The following OTOL1 variants were observed in gnomAD, a reference collection of about 807,000 sequenced individuals.
The protein encoded by OTOL1 is otolin-1.
OTOL1 carries 31 observed loss-of-function variants against 25.0 expected under a neutral mutation model. The observed-to-expected ratio is 1.24, with a 90% confidence interval of 0.93 to 1.67. The LOEUF is 1.67. OTOL1 is among the 40% of genes most tolerant of loss of function. OTOL1 has a pLI of 0.00. For synonymous variants in OTOL1, 225 were observed against 210.3 expected, an observed-to-expected ratio of 1.07 and a Z score of -0.61; for missense variants, 654 against 587.7, an observed-to-expected ratio of 1.11 and a Z score of -1.17.
rs1459972677 is a variant in OTOL1, at chr3:161,502,170, C to T, written c.455-137C>T. ...GGAGTGAGCCGCCGTGCCTGGCGTA[C>T]ATTCTTTTTCCACACGATTTAACTT... On this transcript the variant is annotated intron_variant, in intron 2 of 3. Transcript: ENST00000327928. 5.1e-6 allele frequency: 4 copies of T among 776,718 alleles called. No individual in the cohort carries two copies. The Admixed American group carries it at 9.1e-5, about 18-fold the overall frequency. 48.1% of individuals were successfully genotyped at this position (776,718 alleles called of 1,614,324 possible). A position where few individuals can be genotyped will look rare whatever the true frequency, so the allele number is the denominator to read the frequency against.
rs767680745 is a variant in OTOL1, at chr3:161,503,555, G to GTCAAAGCCATTTCCTCCTCCTAACA, written c.1050_1074dup (p.Pro359LysfsTer7). On this transcript the variant is annotated frameshift_variant, in exon 4 of 4. Transcript: ENST00000327928. LOFTEE classifies it high-confidence loss of function. ...CCCGGTCGGCTTTCAGCGCTGGTTT[G>GTCAAAGCCATTTCCTCCTCCTAACA]TCAAAGCCATTTCCTCCTCCTAACA... The GTCAAAGCCATTTCCTCCTCCTAACA allele has an allele frequency of 3.7e-6, 6 of 1,613,708 alleles. No individual in the cohort carries two copies.
chr3:161,502,336 G>A lies in OTOL1; in HGVS notation c.484G>A (p.Val162Ile). ...CAAAGGAGAACGTGGGGACCAAGGA[G>A]TTCCAGGATACCCAGGAAAACCGGG... ...GLKGERGDQG[V>I]PGYPGKPGAQ... The change falls in exon 3 of 4, where the codon GTT (valine) becomes ATT (isoleucine). Residue 162 changes from valine (V) to isoleucine (I), a missense_variant. Coordinates refer to ENST00000327928, the MANE Select transcript of OTOL1 (RefSeq NM_001080440.1). 6.2e-7 allele frequency: 1 copy of A among 1,613,564 alleles called. No individual in the cohort carries two copies. The highest frequency in any genetic ancestry group is 2.2e-5 in the East Asian group (1 of 44,842).
At chr3:161,498,814 A>C (rs1718900480) in intron 1 of OTOL1, among the ~76,000 whole-genome samples, 1 of 152,176 alleles carries the variant, frequency 6.6e-6, no homozygotes, top group Admixed American at 6.6e-5. Context: ...AGGGAAATCC[A>C]AAGGTGCTAG....
At chr3:161,498,264 G>A (rs972715139) in intron 1 of OTOL1, among the ~76,000 whole-genome samples, 3 of 152,190 alleles carry the variant, frequency 2.0e-5, no homozygotes, top group Admixed American at 6.6e-5. Flanking sequence ...TGCTAAGGCT[G>A]TGAGTTCTGT....
chr3:161,503,333 C>T lies in OTOL1; in HGVS notation c.825C>T (p.Gly275=). Residue 275 remains glycine, a synonymous_variant, in exon 4 of 4, where the codon GGC becomes GGT. Transcript: ENST00000327928. ...KGSKGDSGME[G]KSGRNGLPGA... ...GCAAAGGAGACAGTGGAATGGAAGG[C>T]AAAAGCGGCCGTAATGGTCTGCCTG... The T allele has an allele frequency of 1.9e-6, 3 of 1,571,044 alleles. No homozygotes were observed. The highest frequency in any genetic ancestry group is 1.2e-5 in the South Asian group (1 of 84,876).
chr3:161,501,909 C>G (rs1016926346), intron 2 of OTOL1, among the ~76,000 whole-genome samples: 1 of 152,164 alleles, frequency 6.6e-6, no homozygotes, highest in East Asian at 1.9e-4. Flanking sequence ...CTCTGTCACC[C>G]AGGCTAAAGT....
Position 161,502,302 on chromosome 3 carries a change from C to T in OTOL1, c.455-5C>T. 1.2e-6 allele frequency: 2 copies of T among 1,611,864 alleles called. No homozygotes were observed. Among genetic ancestry groups the T allele is most frequent in the Non-Finnish European group, 1.7e-6 (2 of 1,178,614 alleles). On this transcript the variant is annotated splice_polypyrimidine_tract_variant and splice_region_variant and intron_variant, in intron 2 of 3. Transcript: ENST00000327928. ...GGTAAAAAGTTAATCTTGGTATCAT[C>T]TTAGGACTCAAAGGAGAACGTGGGG...
At chr3:161,502,119 C>T (rs1030269596) in intron 2 of OTOL1, among the ~76,000 whole-genome samples, 188 bp from the exon 3 acceptor site, 5 of 152,328 alleles carry the variant, frequency 3.3e-5, no homozygotes, top group Middle Eastern at 3.4e-3. Flanking sequence ...CCACCCGCCT[C>T]GGCCTCCCAC....
Position 161,503,495 on chromosome 3 carries a change from C to T in OTOL1, c.987C>T (p.Gly329=). Residue 329 remains glycine, a synonymous_variant, in exon 4 of 4, where the codon GGC becomes GGT. Transcript: ENST00000327928. ...RGPTGKKGSR[G]FKGSKGELAR... ...CCACTGGGAAGAAGGGCTCTCGGGG[C>T]TTTAAAGGCTCCAAGGGTGAGTTGG... 6.2e-7 allele frequency: 1 copy of T among 1,613,324 alleles called. No individual in the cohort carries two copies. The highest frequency in any genetic ancestry group is 8.5e-7 in the Non-Finnish European group (1 of 1,179,732).
At chr3:161,498,093 G>A (rs142718077) in intron 1 of OTOL1, among the ~76,000 whole-genome samples, 123 of 152,232 alleles carry the variant, frequency 8.1e-4, no homozygotes, top group African/African-American at 2.9e-3. Context: ...CGTAGCTTGG[G>A]TACCAAGATG....
At position 161,503,126 on chromosome 3, in the gene OTOL1, A is replaced by AG; in HGVS notation, c.619dup (p.Glu207GlyfsTer35). The AG allele has an allele frequency of 2.8e-6, 4 of 1,444,200 alleles. No individual in the cohort carries two copies. Among genetic ancestry groups the AG allele is most frequent in the Non-Finnish European group, 3.6e-6 (4 of 1,098,970 alleles). 89.5% of individuals were successfully genotyped at this position (1,444,200 alleles called of 1,614,324 possible). A position where few individuals can be genotyped will look rare whatever the true frequency, so the allele number is the denominator to read the frequency against. On this transcript the variant is annotated frameshift_variant, in exon 4 of 4. Transcript: ENST00000327928. LOFTEE classifies it low-confidence loss of function (END_TRUNC). ...ACACATGTGGGAATTGTACCAAAGG[A>AG]GAAAAAGGAGACCAAGGGGCTATGG...
At chr3:161,498,990 G>A (rs1050113482) in intron 1 of OTOL1, among the ~76,000 whole-genome samples, 181 bp from the exon 2 acceptor site, 2 of 152,188 alleles carry the variant, frequency 1.3e-5, no homozygotes, top group African/African-American at 2.4e-5. Context: ...CAGGTAGTAC[G>A]AAATTGCAAA....
Position 161,503,869 on chromosome 3 carries a change from T to C in OTOL1, c.1361T>C (p.Val454Ala). The change falls in exon 4 of 4, where the codon GTC becomes GCC. Residue 454 changes from valine (V) to alanine (A), a missense_variant. Physicochemically the swap from Val to Ala is moderately conservative, Grantham distance 64. Transcript: ENST00000327928. ...EVSKDWNGVY[V>A]SAEDDSIFTG... ...TCAAAAGATTGGAATGGGGTGTATG[T>C]CAGTGCTGAGGATGACAGCATTTTT... is the stretch of plus-strand genomic sequence containing the variant. The C allele has an allele frequency of 1.9e-6, 3 of 1,613,844 alleles. No homozygotes were observed. Among genetic ancestry groups the C allele is most frequent in the Non-Finnish European group, 2.5e-6 (3 of 1,179,850 alleles).
Position 161,503,316 on chromosome 3 carries a change from G to A in OTOL1, c.808G>A (p.Asp270Asn). Residue 270 changes from aspartate (D) to asparagine (N), a missense_variant, in exon 4 of 4, where the codon GAC (aspartate) becomes AAC (asparagine). By Grantham distance (23) the Asp-to-Asn change is conservative. Coordinates refer to ENST00000327928, the MANE Select transcript of OTOL1 (RefSeq NM_001080440.1). ...GAAAGGGGAAAAAGGTAGCAAAGGA[G>A]ACAGTGGAATGGAAGGCAAAAGCGG... ...GMKGEKGSKG[D>N]SGMEGKSGRN... is the part of the protein sequence containing the mutation. The A allele has an allele frequency of 6.5e-7, 1 of 1,549,150 alleles. No individual in the cohort carries two copies. The highest frequency in any genetic ancestry group is 8.7e-7 in the Non-Finnish European group (1 of 1,150,778).
intron 3 of OTOL1, 94 bp from the exon 4 acceptor site, chr3:161,502,929 TTAG>T: frequency 1.1e-6 from 1 of 897,622 alleles, no homozygotes; most frequent in East Asian, 3.2e-5. Context: ...GGTTTCCTAA[TTAG>T]TAGGTTTGTT....
intron 1 of OTOL1, 104 bp from the exon 2 acceptor site, chr3:161,499,067 A>G: frequency 2.3e-6 from 2 of 851,586 alleles, no homozygotes; most frequent in Non-Finnish European, 3.8e-6. Flanking sequence ...CCATTAGGTC[A>G]TTGATACTTA....
rs772696212 is a variant in OTOL1, at chr3:161,503,821, G to T, written c.1313G>T (p.Gly438Val). 5 of 1,613,950 alleles carry T rather than the reference G, an allele frequency of 3.1e-6. No homozygotes were observed. Among genetic ancestry groups the T allele is most frequent in the Admixed American group, 3.3e-5 (2 of 60,028 alleles). Residue 438 changes from glycine to valine, a missense_variant, in exon 4 of 4, where the codon GGA (glycine) becomes GTA (valine). Gly to Val is a moderately radical substitution (Grantham distance 109). Coordinates refer to ENST00000327928, the MANE Select transcript of OTOL1 (RefSeq NM_001080440.1). ...CTCGTCATCTTGAAATTAAGTGCAG[G>T]AGACCAAGTCTGGCTTGAGGTGTCA... ...SLLVILKLSAGDQVWLEVSKD... is the reference protein window; with the variant it reads ...SLLVILKLSAVDQVWLEVSKD...
At chr3:161,497,827 A>G (rs370863579) in intron 1 of OTOL1, among the ~76,000 whole-genome samples, 1 of 152,260 alleles carries the variant, frequency 6.6e-6, no homozygotes, top group South Asian at 2.1e-4. Context: ...TCTATAATAT[A>G]TACATAATGA....
chr3:161,503,043 G>A lies in OTOL1; in HGVS notation c.535G>A (p.Gly179Arg), dbSNP rs1413618142. The A allele has an allele frequency of 7.4e-7, 1 of 1,356,346 alleles. No individual in the cohort carries two copies. The highest frequency in any genetic ancestry group is 1.5e-5 in the African/African-American group (1 of 68,628). 84.0% of individuals were successfully genotyped at this position (1,356,346 alleles called of 1,614,324 possible). A position where few individuals can be genotyped will look rare whatever the true frequency, so the allele number is the denominator to read the frequency against. The change falls in exon 4 of 4, where the codon GGA (glycine) becomes AGA (arginine). Residue 179 changes from glycine to arginine, a missense_variant. By Grantham distance (125) the Gly-to-Arg change is moderately radical. Coordinates refer to ENST00000327928, the MANE Select transcript of OTOL1 (RefSeq NM_001080440.1). Reference sequence around the variant, plus strand: ...CATTTCAGGTGAACCTGGCCCTAAGGGAGATAAAGGAAACATTGGTTTGGG... The same window carrying A: ...CATTTCAGGTGAACCTGGCCCTAAGAGAGATAAAGGAAACATTGGTTTGGG... ...PGAQGEPGPKGDKGNIGLGGV... is the reference protein window; with the variant it reads ...PGAQGEPGPKRDKGNIGLGGV...
Sources: allele counts gnomAD v4.1 joint callset (sites outside exome capture counted in the v4.1 genomes callset), GRCh38; gene constraint gnomAD v4.1.1; transcripts MANE v1.5; gene names NCBI Gene and HGNC (gene_info 2026-07-23, HGNC 2026-07-21).